Variants in PIF1 observed in about 807,000 individuals in gnomAD.
The protein encoded by PIF1 is PIF1 5'-to-3' DNA helicase.
PIF1 carries 67 observed loss-of-function variants against 62.3 expected under a neutral mutation model. The ratio of observed to expected loss-of-function variants is 1.08; its 90% confidence interval spans 0.88 to 1.32. The LOEUF (loss-of-function observed/expected upper bound fraction) is 1.32, where lower values mean the gene tolerates loss of function less well. Among genes scored for constraint, PIF1 ranks in the 40% most tolerant of loss-of-function variants. The pLI, the probability that PIF1 is intolerant of heterozygous loss-of-function variation, is 0.00. For synonymous variants in PIF1, 364 were observed against 379.5 expected, an observed-to-expected ratio of 0.96 and a Z score of 0.47; for missense variants, 886 against 866.1, an observed-to-expected ratio of 1.02 and a Z score of -0.29.
At chr15:64,816,880 G>A (rs563317552) in intron 11 of PIF1, 115 bp from the exon 12 acceptor site, 12 of 987,442 alleles carry the variant, frequency 1.2e-5, no homozygotes, top group African/African-American at 5.0e-5. Context: ...CCAGTCCAGA[G>A]AGTCTCTAGA....
Position 64,824,233 on chromosome 15 carries a change from G to A in PIF1, c.103C>T (p.Arg35Cys). Residue 35 changes from arginine to cysteine, a missense_variant, in exon 2 of 13, where the codon CGC becomes TGC. Transcript: ENST00000559239. ...AGCTCCGCGGTGCGCAGGGCCTGGC[G>A]CCTTCGCGGCTGCCCGCCCGGGCTC... ...ELSPGGQPRR[R>C]QALRTAELSL... The A allele has an allele frequency of 7.6e-7, 1 of 1,321,714 alleles. No individual in the cohort carries two copies. Among genetic ancestry groups the A allele is most frequent in the Non-Finnish European group, 9.7e-7 (1 of 1,029,272 alleles). The allele number at this position is 1,321,714 out of a possible 1,614,324, so 81.9% of individuals were successfully genotyped here. A position where few individuals can be genotyped will look rare whatever the true frequency, so the allele number is the denominator to read the frequency against.
At position 64,815,685 on chromosome 15, in the gene PIF1, T is replaced by A; in HGVS notation, c.*613A>T. The stretch of plus-strand genomic sequence containing the variant: ...CCGAAATAAATACAACCTGAGAACA[T>A]CCATTTCAATGTCCCCAAACACTAT... On this transcript the variant is annotated 3_prime_UTR_variant, in exon 13 of 13. Transcript: ENST00000559239. 1.3e-6 allele frequency: 2 copies of A among 1,544,800 alleles called. No homozygotes were observed. The highest frequency in any genetic ancestry group is 4.9e-5 in the East Asian group (2 of 40,868).
rs2084218422 is a variant in PIF1, at chr15:64,818,046, T to C, written c.1574A>G (p.His525Arg). Residue 525 changes from histidine (H) to arginine (R), a missense_variant, in exon 11 of 13, where the codon CAC becomes CGC. By Grantham distance (29) the His-to-Arg change is conservative. Transcript: ENST00000559239. ...RFLCGVTEVI[H>R]ADRWTVQATG... Reference sequence around the variant, plus strand: ...GGCCTGCACCGTCCAGCGGTCAGCGTGGATGACCTCAGTGACTCCACACAG... The same window carrying C: ...GGCCTGCACCGTCCAGCGGTCAGCGCGGATGACCTCAGTGACTCCACACAG... 1 of 1,613,924 alleles carries C rather than the reference T, an allele frequency of 6.2e-7. No homozygotes were observed.
chr15:64,816,624 GGGGGTCACAGCGAACCGCCAT>G lies in PIF1; in HGVS notation c.1795_1815del (p.Met599_Pro605del), dbSNP rs2084188427. ...AGGGTGGCATAGAAGTGCAGCACAC[GGGGGTCACAGCGAACCGCCAT>G]GGGGTCAAAGTCCAGCACACGTAGG... On this transcript the variant is annotated inframe_deletion, in exon 12 of 13. Transcript: ENST00000559239. The G allele has an allele frequency of 2.5e-6, 4 of 1,614,032 alleles. No homozygotes were observed. Among genetic ancestry groups the G allele is most frequent in the Non-Finnish European group, 2.5e-6 (3 of 1,179,988 alleles).
chr15:64,826,663 TATACACAC>T (rs1177053101), upstream of PIF1, among the ~76,000 whole-genome samples: 4 of 27,344 alleles, frequency 1.5e-4, no homozygotes, highest in African/African-American at 4.1e-4. Flanking sequence ...TATATATATA[TATACACAC>T]ACACACACAT....
chr15:64,817,260 A>G (rs909445745), intron 11 of PIF1, among the ~76,000 whole-genome samples: 1 of 152,082 alleles, frequency 6.6e-6, no homozygotes, highest in Non-Finnish European at 1.5e-5. Flanking sequence ...ACTAAAGAAA[A>G]GTTTATTCTG....
chr15:64,821,541 C>T, intron 4 of PIF1, 21 bp from the exon 5 acceptor site: 1 of 1,555,910 alleles, frequency 6.4e-7, no homozygotes, highest in Non-Finnish European at 8.7e-7. Context: ...CACTATTCAG[C>T]CTGGGCTAAT....
At position 64,824,393 on chromosome 15, in the gene PIF1, TGAGAC is replaced by T. The variant is rs1158824712; in HGVS notation, c.-19-44_-19-40del. 4 of 1,217,842 alleles carry T rather than the reference TGAGAC, an allele frequency of 3.3e-6. No individual in the cohort carries two copies. The Admixed American group carries it at 1.3e-4, about 39-fold the overall frequency. 75.4% of individuals were successfully genotyped at this position (1,217,842 alleles called of 1,614,324 possible). ...GGAGCACAGGGGTCATGAGGATTCA[TGAGAC>T]GTAATGGGTGCTATAGGGGACGTAA... is the stretch of plus-strand genomic sequence containing the variant. On this transcript the variant is annotated intron_variant, in intron 1 of 12. Coordinates refer to ENST00000559239, the MANE Select transcript of PIF1 (RefSeq NM_001286496.2).
chr15:64,816,722 AAC>A lies in PIF1; in HGVS notation c.1716_1717del (p.Phe573CysfsTer24), dbSNP rs763824958. The stretch of plus-strand genomic sequence containing the variant: ...GGCCACATAGGCCTGGCCACTGGCA[AAC>A]ACACGGCCCAGAGAAATCTCCACAC... On this transcript the variant is annotated frameshift_variant, in exon 12 of 13. Transcript: ENST00000559239. LOFTEE classifies it high-confidence loss of function. The A allele has an allele frequency of 2.5e-6, 4 of 1,610,598 alleles. No individual in the cohort carries two copies. The highest frequency in any genetic ancestry group is 2.7e-5 in the African/African-American group (2 of 74,728).
At position 64,822,397 on chromosome 15, in the gene PIF1, CAG is replaced by C; in HGVS notation, c.692-8_692-7del. On this transcript the variant is annotated splice_polypyrimidine_tract_variant and splice_region_variant and intron_variant, in intron 3 of 12. Transcript: ENST00000559239. ...CAGATATGACTTCCCTGTTCCTGGA[CAG>C]GGGCAAAGTTAGACAGGTCTCCCTG... is the stretch of plus-strand genomic sequence containing the variant. 6.2e-7 allele frequency: 1 copy of C among 1,614,156 alleles called. No individual in the cohort carries two copies. The highest frequency in any genetic ancestry group is 8.5e-7 in the Non-Finnish European group (1 of 1,180,014).
intron 10 of PIF1, 47 bp from the exon 11 acceptor site, chr15:64,818,138 C>G: frequency 6.2e-7 from 1 of 1,612,128 alleles, no homozygotes; most frequent in Non-Finnish European, 8.5e-7. Flanking sequence ...CTTCAGGGCT[C>G]TGAGGTGAGG....
At position 64,820,564 on chromosome 15, in the gene PIF1, T is replaced by C. The variant is rs192231426; in HGVS notation, c.1193+418A>G. 6.0e-4 allele frequency among the ~76,000 whole-genome samples: 91 copies of C among 152,248 alleles called. 1 individual carries two copies. Among genetic ancestry groups the C allele is most frequent in the Middle Eastern group, 6.8e-3 (2 of 294 alleles). The stretch of plus-strand genomic sequence containing the variant: ...GGTGCGTGCCACCACGCCCAGCTAA[T>C]TTTTGTATTTTTAGTAGAGACTGGG... On this transcript the variant is annotated intron_variant, in intron 7 of 12. Coordinates refer to ENST00000559239, the MANE Select transcript of PIF1 (RefSeq NM_001286496.2).
chr15:64,826,657 TATATATATACACAC>T (rs1295953495), upstream of PIF1, among the ~76,000 whole-genome samples: 5 of 46,176 alleles, frequency 1.1e-4, no homozygotes, highest in African/African-American at 3.2e-4. Context: ...TATATATATA[TATATATATACACAC>T]ACACACACAT....
chr15:64,824,933 TCCATTTCTATATATC>T (rs1320605580), intron 1 of PIF1, among the ~76,000 whole-genome samples: 1 of 150,644 alleles, frequency 6.6e-6, no homozygotes, highest in Non-Finnish European at 1.5e-5. Flanking sequence ...CTACACAATT[TCCATTTCTATATATC>T]CAATTTCTAT....
chr15:64,817,803 A>G (rs915256365), intron 11 of PIF1, 143 bp downstream of exon 11: 3 of 924,422 alleles, frequency 3.2e-6, no homozygotes, highest in Non-Finnish European at 4.7e-6. Context: ...TGGAGGTTGC[A>G]GTGAGCCAAG....
At chr15:64,826,859 A>T (rs1009479097), upstream of PIF1, among the ~76,000 whole-genome samples, 9 of 151,236 alleles carry the variant, frequency 6.0e-5, no homozygotes, top group African/African-American at 7.3e-5. Flanking sequence ...CCGAAGTCCT[A>T]GGATTACAGG....
intron 2 of PIF1, chr15:64,823,454 G>A: frequency 4.7e-6 from 1 of 212,072 alleles, no homozygotes; most frequent in Non-Finnish European, 9.3e-6. Flanking sequence ...CACCATGTTG[G>A]CCAGGCTGGC....
At chr15:64,824,455 G>T in intron 1 of PIF1, 101 bp from the exon 2 acceptor site, 2 of 757,824 alleles carry the variant, frequency 2.6e-6, no homozygotes, top group Non-Finnish European at 3.6e-6. Flanking sequence ...CAGGGAGCAG[G>T]GTCAAGGCTA....
rs1221111478 is a variant in PIF1, at chr15:64,824,076, G to T, written c.260C>A (p.Thr87Asn). ...GGTGTCGTGGGCGGGGAGCCGCAGG[G>T]TGCTGCGCCCGGCCTCGGCGAAACG... ...FTRFAEAGRS[T>N]LRLPAHDTPG... Residue 87 changes from threonine (T) to asparagine (N), a missense_variant, in exon 2 of 13, where the codon ACC becomes AAC. Physicochemically the swap from Thr to Asn is moderately conservative, Grantham distance 65 (BLOSUM62 0). Coordinates refer to ENST00000559239, the MANE Select transcript of PIF1 (RefSeq NM_001286496.2). 2 of 1,267,102 alleles carry T rather than the reference G, an allele frequency of 1.6e-6. No homozygotes were observed. Among genetic ancestry groups the T allele is most frequent in the African/African-American group, 3.1e-5 (2 of 64,260 alleles). The allele number at this position is 1,267,102 out of a possible 1,614,324, so 78.5% of individuals were successfully genotyped here. A position where few individuals can be genotyped will look rare whatever the true frequency, so the allele number is the denominator to read the frequency against.
Sources: gnomAD v4.1 joint callset for allele counts (sites outside exome capture counted in the v4.1 genomes callset) on GRCh38, gnomAD v4.1.1 for gene constraint, MANE v1.5 for transcripts, NCBI Gene and HGNC (gene_info 2026-07-23, HGNC 2026-07-21) for gene names.